The following JAKMIP3 variants were observed in gnomAD, a reference collection of about 807,000 sequenced individuals.
The protein encoded by JAKMIP3 is janus kinase and microtubule-interacting protein 3.
JAKMIP3 carries 58 observed loss-of-function variants against 118.5 expected under a neutral mutation model. That is an observed-to-expected ratio of 0.49 (90% CI 0.40 to 0.61). JAKMIP3 has a LOEUF of 0.61. Among genes scored for constraint, JAKMIP3 ranks in the 20% least tolerant of loss-of-function variants. The probability of loss-of-function intolerance (pLI) is 0.00; values close to 1 mark genes in which losing one functional copy is unlikely to be tolerated. For missense variants in JAKMIP3, 950 were observed against 1,109.0 expected (o/e 0.86, Z 2.04); for synonymous variants, 486 against 451.2 (o/e 1.08, Z -0.98).
At chr10:132,036,517 C>A (rs1289700642), upstream of JAKMIP3, among the ~76,000 whole-genome samples, 2 of 152,092 alleles carry the variant, frequency 1.3e-5, no homozygotes, top group Non-Finnish European at 2.9e-5. Flanking sequence ...GCTTGCACAG[C>A]GGCTCCGCGG....
intron 3 of JAKMIP3, among the ~76,000 whole-genome samples, chr10:132,124,564 C>T (rs76533016): frequency 0.023 from 3,415 of 150,450 alleles, 123 homozygotes; most frequent in African/African-American, 0.068. Context: ...CGCACACGTC[C>T]GTTGCCACAT....
intron 9 of JAKMIP3, among the ~76,000 whole-genome samples, chr10:132,139,304 GTGAGTGTGTA>G (rs1427200015): frequency 0.011 from 738 of 67,580 alleles, 44 homozygotes; most frequent in African/African-American, 0.048. Context: ...GTGTATGTGT[GTGAGTGTGTA>G]TGTGTATGTG....
intron 23 of JAKMIP3, among the ~76,000 whole-genome samples, chr10:132,174,177 GC>G (rs2059929245): frequency 6.6e-6 from 1 of 152,018 alleles, no homozygotes; most frequent in Admixed American, 6.6e-5. Flanking sequence ...CACCAACCCA[GC>G]CCCAACACAG....
intron 19 of JAKMIP3, among the ~76,000 whole-genome samples, chr10:132,154,204 G>A (rs2056705089): frequency 6.6e-6 from 1 of 152,232 alleles, no homozygotes; most frequent in Non-Finnish European, 1.5e-5. Context: ...AGGATTAGTT[G>A]AGGAGGCCTA....
At chr10:132,102,310 T>C (rs1434746348) in intron 1 of JAKMIP3, among the ~76,000 whole-genome samples, 2 of 152,094 alleles carry the variant, frequency 1.3e-5, no homozygotes, top group Admixed American at 1.3e-4. Context: ...TAAATGAAGA[T>C]GCCTCTGATG....
At chr10:132,116,952 T>C (rs1377148990) in intron 2 of JAKMIP3, 125 bp from the exon 3 acceptor site, 4 of 1,156,674 alleles carry the variant, frequency 3.5e-6, no homozygotes, top group Non-Finnish European at 4.8e-6. Context: ...ACGTGGAAGC[T>C]CCCCTTGAAT....
intron 16 of JAKMIP3, among the ~76,000 whole-genome samples, chr10:132,150,562 C>T (rs118182323): frequency 0.046 from 6,944 of 152,282 alleles, 240 homozygotes; most frequent in Admixed American, 0.096. Context: ...ATTTATTCCC[C>T]ATCAATGCAC....
intron 9 of JAKMIP3, among the ~76,000 whole-genome samples, chr10:132,140,224 C>T (rs559793332): frequency 2.0e-5 from 3 of 152,346 alleles, no homozygotes; most frequent in Admixed American, 6.5e-5. Context: ...GGCCAGGACC[C>T]GCTCACCCAC....
At chr10:132,086,401 A>C (rs985534368) in intron 1 of JAKMIP3, among the ~76,000 whole-genome samples, 1 of 152,068 alleles carries the variant, frequency 6.6e-6, no homozygotes, top group Non-Finnish European at 1.5e-5. Flanking sequence ...GTTTAAATCC[A>C]TTGTTTCTTT....
chr10:132,174,746 G>GC (rs1324263508), intron 23 of JAKMIP3, among the ~76,000 whole-genome samples: 1 of 152,110 alleles, frequency 6.6e-6, no homozygotes, highest in Non-Finnish European at 1.5e-5. Flanking sequence ...GATTTCCGTT[G>GC]CCCCACACGC....
In JAKMIP3 at chr10:132,139,328, GTGTT is replaced by G. The variant is rs1228913998; in HGVS notation, c.1345-1119_1345-1116del. 4.7e-4 allele frequency among the ~76,000 whole-genome samples: 71 copies of G among 151,758 alleles called. 4 individuals carry two copies. The highest frequency in any genetic ancestry group is 7.7e-4 in the African/African-American group (32 of 41,424). The stretch of plus-strand genomic sequence containing the variant: ...TGTGAGTGTGTATGTGTATGTGTGT[GTGTT>G]TGTATGTGTGTACATGTGAGTGTAT... On this transcript the variant is annotated intron_variant, in intron 9 of 23. Coordinates refer to ENST00000684848, the MANE Select transcript of JAKMIP3 (RefSeq NM_001323087.2).
chr10:132,106,855 A>G (rs77082430), intron 2 of JAKMIP3, among the ~76,000 whole-genome samples: 2,533 of 152,200 alleles, frequency 0.017, 82 homozygotes, highest in African/African-American at 0.057. Flanking sequence ...TGAGAATGAA[A>G]CCCTTTGTTT....
intron 1 of JAKMIP3, among the ~76,000 whole-genome samples, chr10:132,099,530 T>C (rs1274554816): frequency 6.6e-6 from 1 of 152,194 alleles, no homozygotes; most frequent in Non-Finnish European, 1.5e-5. Flanking sequence ...TGGGGAACCC[T>C]GTGCAGCAGA....
At chr10:132,159,374 G>GGC (rs1195642191) in intron 19 of JAKMIP3, among the ~76,000 whole-genome samples, 3 of 84,758 alleles carry the variant, frequency 3.5e-5, no homozygotes. Flanking sequence ...GATGCTGGTT[G>GGC]GGGGGGGTCT....
chr10:132,055,851 A>G (rs2038224047), intron 1 of JAKMIP3, among the ~76,000 whole-genome samples: 1 of 152,106 alleles, frequency 6.6e-6, no homozygotes, highest in African/African-American at 2.4e-5. Context: ...CCTTCTCCCC[A>G]TGGGGTTCCT....
At position 132,080,503 on chromosome 10, in the gene JAKMIP3, ATTTTTTTTTTTTTTTTTTT is replaced by A. The variant is rs201838731; in HGVS notation, c.-138+14460_-138+14478del. ...TATTTTCTTGCTGTCAAGTTATAGG[ATTTTTTTTTTTTTTTTTTT>A]TTTTTTTTTTTTTTTTTAAGATGGA... On this transcript the variant is annotated intron_variant, in intron 1 of 23. Transcript: ENST00000684848. Among the ~76,000 whole-genome samples, 70 of 61,582 alleles carry A rather than the reference ATTTTTTTTTTTTTTTTTTT, an allele frequency of 1.1e-3. 3 individuals carry two copies. The highest frequency in any genetic ancestry group is 5.4e-3 in the South Asian group (8 of 1,470). 40.4% of individuals were successfully genotyped at this position (61,582 alleles called of 152,430 possible).
intron 1 of JAKMIP3, among the ~76,000 whole-genome samples, chr10:132,039,713 C>T (rs1406626533): frequency 6.6e-6 from 1 of 152,262 alleles, no homozygotes; most frequent in East Asian, 1.9e-4. Flanking sequence ...CGATTCCCTA[C>T]AGCGGCATCC....
At chr10:132,072,245 G>A (rs532966337) in intron 1 of JAKMIP3, among the ~76,000 whole-genome samples, 10 of 152,088 alleles carry the variant, frequency 6.6e-5, no homozygotes, top group Admixed American at 2.6e-4. Context: ...GTAGATTCTC[G>A]CCTTTTTAAA....
In JAKMIP3 at chr10:132,117,608, GGT is replaced by G; in HGVS notation, c.633+36_633+37del. On this transcript the variant is annotated intron_variant, in intron 3 of 23. Transcript: ENST00000684848. This position sits in a 1 kb window ranked among gnomAD's most constrained non-coding sequence, Gnocchi z 8.6. Reference sequence around the variant, plus strand: ...GCAGGCAGGGGCGGGCGTGGGCGAGGGTGCAGGGGCGGGCGTGGGCGAGGGTG... The same window carrying G: ...GCAGGCAGGGGCGGGCGTGGGCGAGGGCAGGGGCGGGCGTGGGCGAGGGTG... The G allele has an allele frequency of 1.3e-6, 1 of 769,760 alleles. No individual in the cohort carries two copies. Among genetic ancestry groups the G allele is most frequent in the Non-Finnish European group, 1.7e-6 (1 of 600,672 alleles). The allele number at this position is 769,760 out of a possible 1,614,324, so 47.7% of individuals were successfully genotyped here.
Sources: gnomAD v4.1 joint callset for allele counts (sites outside exome capture counted in the v4.1 genomes callset) on GRCh38, gnomAD v4.1.1 for gene constraint, Gnocchi (gnomAD v3.1) non-coding constraint, MANE v1.5 for transcripts, NCBI Gene and HGNC (gene_info 2026-07-23, HGNC 2026-07-21) for gene names.